The following SMCO4 variants were observed in gnomAD, a reference collection of about 807,000 sequenced individuals.
The protein encoded by SMCO4 is single-pass membrane protein with coiled-coil domains 4.
In SMCO4, 4 loss-of-function variants were observed where a neutral mutation model predicts 3.6. The observed-to-expected ratio is 1.11, with a 90% CI of 0.54 to 2.53. The LOEUF (loss-of-function observed/expected upper bound fraction) is 2.53. Ranked by LOEUF, SMCO4 falls within the 30% of genes most tolerant of loss-of-function variation. The pLI is 0.02. For missense variants in SMCO4, 70 were observed against 80.8 expected (o/e 0.87, Z 0.51); for synonymous variants, 36 against 35.3 (o/e 1.02, Z -0.07).
At chr11:93,508,078 T>C (rs943248502) in intron 1 of SMCO4, among the ~76,000 whole-genome samples, 6 of 152,252 alleles carry the variant, frequency 3.9e-5, no homozygotes, top group African/African-American at 1.4e-4. Flanking sequence ...TTAATTTTAA[T>C]TTCTAACACA....
At chr11:93,518,297 T>C (rs150752381) in intron 1 of SMCO4, among the ~76,000 whole-genome samples, 1 of 152,246 alleles carries the variant, frequency 6.6e-6, no homozygotes, top group African/African-American at 2.4e-5. Context: ...TTTTTATTGC[T>C]GAACAACATT....
chr11:93,516,854 T>C (rs1476467192), intron 1 of SMCO4, among the ~76,000 whole-genome samples: 2 of 152,044 alleles, frequency 1.3e-5, no homozygotes, highest in African/African-American at 4.8e-5. Context: ...ATTCGAGTAG[T>C]ATCCTAATAT....
chr11:93,552,212 A>G, the SMCO4 span, among the ~76,000 whole-genome samples: 1 of 136,050 alleles, frequency 7.4e-6, no homozygotes, highest in Non-Finnish European at 1.5e-5. Flanking sequence ...GCTGAAGTGC[A>G]GTGGCACAAT....
At chr11:93,524,141 G>A (rs1949084631) in intron 1 of SMCO4, among the ~76,000 whole-genome samples, 1 of 152,146 alleles carries the variant, frequency 6.6e-6, no homozygotes, top group Non-Finnish European at 1.5e-5. Flanking sequence ...CATTGAGCCT[G>A]GGTGATCTCA....
At chr11:93,480,984 T>C (rs905645685) in intron 2 of SMCO4, among the ~76,000 whole-genome samples, 8 of 151,734 alleles carry the variant, frequency 5.3e-5, no homozygotes, top group Non-Finnish European at 1.2e-4. Flanking sequence ...CAGCAAATAT[T>C]AAGGGAAGCG....
chr11:93,503,380 T>C (rs902356000), intron 1 of SMCO4, among the ~76,000 whole-genome samples: 1 of 152,132 alleles, frequency 6.6e-6, no homozygotes, highest in Non-Finnish European at 1.5e-5. Flanking sequence ...ACTGCCCCCA[T>C]GATTCAATTA....
At chr11:93,549,468 A>T in the SMCO4 span, among the ~76,000 whole-genome samples, 120 of 152,212 alleles carry the variant, frequency 7.9e-4, no homozygotes, top group African/African-American at 2.8e-3. Flanking sequence ...AATTTTTTTG[A>T]GTCAGGGTCT....
the SMCO4 span, among the ~76,000 whole-genome samples, chr11:93,552,051 A>G: frequency 6.6e-6 from 1 of 151,984 alleles, no homozygotes; most frequent in Non-Finnish European, 1.5e-5. Flanking sequence ...CAATGTTTAC[A>G]TATATTGAGA....
Position 93,478,797 on chromosome 11 carries a change from T to G in SMCO4, c.*213A>C. 4 of 1,334,836 alleles carry G rather than the reference T, an allele frequency of 3.0e-6. No individual in the cohort carries two copies. Among genetic ancestry groups the G allele is most frequent in the Non-Finnish European group, 2.9e-6 (3 of 1,034,580 alleles). The allele number at this position is 1,334,836 out of a possible 1,614,324, so 82.7% of individuals were successfully genotyped here. A position where few individuals can be genotyped will look rare whatever the true frequency, so the allele number is the denominator to read the frequency against. Reference sequence around the variant, plus strand: ...TCTGAAAGGCACATGAAGTGGACCATAAGGTGTATGGCACATTCACTGATA... The same window carrying G: ...TCTGAAAGGCACATGAAGTGGACCAGAAGGTGTATGGCACATTCACTGATA... On this transcript the variant is annotated 3_prime_UTR_variant, in exon 3 of 3. Coordinates refer to ENST00000298966, the MANE Select transcript of SMCO4 (RefSeq NM_020179.3).
intron 1 of SMCO4, among the ~76,000 whole-genome samples, chr11:93,533,860 A>T (rs1949186971): frequency 1.3e-5 from 2 of 152,184 alleles, no homozygotes; most frequent in Non-Finnish European, 2.9e-5. Flanking sequence ...CTACTTATGT[A>T]ATATGCAAAT....
At chr11:93,523,742 G>C (rs1279914114) in intron 1 of SMCO4, among the ~76,000 whole-genome samples, 1 of 152,202 alleles carries the variant, frequency 6.6e-6, no homozygotes, top group African/African-American at 2.4e-5. Context: ...TGTGCTAAAA[G>C]TGCTGACACG....
At chr11:93,495,458 A>T (rs1423573947) in intron 2 of SMCO4, among the ~76,000 whole-genome samples, 1 of 152,174 alleles carries the variant, frequency 6.6e-6, no homozygotes, top group African/African-American at 2.4e-5. Flanking sequence ...CCTCCGACAC[A>T]CACAGGAGTA....
At chr11:93,503,832 A>G (rs936040700) in intron 1 of SMCO4, among the ~76,000 whole-genome samples, 1 of 152,206 alleles carries the variant, frequency 6.6e-6, no homozygotes, top group Non-Finnish European at 1.5e-5. Context: ...CTATGAGAAT[A>G]TATTTGCTAT....
upstream of SMCO4, among the ~76,000 whole-genome samples, chr11:93,548,177 C>G (rs1193999257): frequency 1.3e-5 from 2 of 152,198 alleles, no homozygotes; most frequent in African/African-American, 2.4e-5. Context: ...TTTTTCACAA[C>G]TCAGAGGTAA....
intron 1 of SMCO4, among the ~76,000 whole-genome samples, chr11:93,538,509 T>C (rs945271760): frequency 1.3e-5 from 2 of 152,172 alleles, no homozygotes; most frequent in African/African-American, 4.8e-5. Context: ...CTTCATTCTC[T>C]GCGATGCTCC....
At chr11:93,535,417 A>G (rs1949211070) in intron 1 of SMCO4, 2 of 1,091,780 alleles carry the variant, frequency 1.8e-6, no homozygotes, top group African/African-American at 1.6e-5. Flanking sequence ...CCAAATAACC[A>G]GTTCTCACTG....
the SMCO4 span, among the ~76,000 whole-genome samples, chr11:93,549,572 C>T: frequency 6.6e-6 from 1 of 152,100 alleles, no homozygotes; most frequent in Non-Finnish European, 1.5e-5. Context: ...CCTCAGCCTC[C>T]CCAGTAGCTT....
intron 1 of SMCO4, among the ~76,000 whole-genome samples, chr11:93,529,671 C>T (rs982829752): frequency 1.3e-5 from 2 of 152,140 alleles, no homozygotes; most frequent in African/African-American, 4.8e-5. Flanking sequence ...TAAATGTCAA[C>T]CAAATAAGGA....
At chr11:93,514,911 G>A (rs1368533386) in intron 1 of SMCO4, among the ~76,000 whole-genome samples, 3 of 152,100 alleles carry the variant, frequency 2.0e-5, no homozygotes, top group Non-Finnish European at 2.9e-5. Flanking sequence ...CTTCAAGATT[G>A]AGGCTCAAAG....
Sources: gnomAD v4.1 joint callset for allele counts (sites outside exome capture counted in the v4.1 genomes callset) on GRCh38, gnomAD v4.1.1 for gene constraint, MANE v1.5 for transcripts, NCBI Gene and HGNC (gene_info 2026-07-23, HGNC 2026-07-21) for gene names.